GSN: variants seen among roughly 807,000 people sequenced by gnomAD.
The protein encoded by GSN is gelsolin.
A neutral mutation model predicts 85.7 loss-of-function variants in GSN; 56 were observed. The ratio of observed to expected loss-of-function variants is 0.65; its 90% CI spans 0.53 to 0.82. The LOEUF (loss-of-function observed/expected upper bound fraction) is 0.82. Ranked by LOEUF, GSN falls within the 40% of genes least tolerant of loss-of-function variation. The pLI is 0.00. For missense variants in GSN, 857 were observed against 979.8 expected, an observed-to-expected ratio of 0.87 and a Z score of 1.67; for synonymous variants, 373 against 399.1, an observed-to-expected ratio of 0.93 and a Z score of 0.78.
intron 6 of GSN, among the ~76,000 whole-genome samples, chr9:121,251,184 G>GTTTTTTTTTTTTTTTTTTT (rs1339859188): frequency 1.6e-4 from 1 of 6,370 alleles, no homozygotes; most frequent in Admixed American, 1.9e-3. Flanking sequence ...CAGCTGATGT[G>GTTTTTTTTTTTTTTTTTTT]TTCTTTTTTT....
rs747065510 is a variant in GSN at position 121,240,983 on chromosome 9, G to A, written c.-388-7293G>A. ...TGGCTTTTTTAAATATTTGCAGATG[G>A]TATAATTCCATCTTGAAAACAAGGG... On this transcript the variant is annotated intron_variant, in intron 5 of 24. Coordinates refer to the GSN transcript ENST00000373823. 3.3e-5 allele frequency among the ~76,000 whole-genome samples: 5 copies of A among 152,256 alleles called. No individual in the cohort carries two copies. In the East Asian group the frequency reaches 7.7e-4, roughly 23 times the overall value.
chr9:121,239,455 A>C (rs963079001), intron 5 of GSN: 2 of 379,630 alleles, frequency 5.3e-6, no homozygotes, highest in Non-Finnish European at 1.0e-5. Flanking sequence ...TACAATTGGA[A>C]AATTTTCCTC....
chr9:121,244,062 T>C (rs1383492043), intron 5 of GSN, among the ~76,000 whole-genome samples: 2 of 152,224 alleles, frequency 1.3e-5, no homozygotes, highest in Admixed American at 1.3e-4. Flanking sequence ...CCTGTAATAT[T>C]GTCTTTTTGA....
intron 4 of GSN, among the ~76,000 whole-genome samples, chr9:121,307,954 G>A (rs377574852): frequency 7.9e-4 from 120 of 152,326 alleles, no homozygotes; most frequent in South Asian, 4.1e-4. Context: ...TCCAGCCTTC[G>A]GACCCCCTCA....
chr9:121,282,782 C>G (rs1270355935), intron 2 of GSN: 1 of 398,926 alleles, frequency 2.5e-6, no homozygotes, highest in South Asian at 1.4e-4. Flanking sequence ...GCCAAGTTGC[C>G]TCAATGTAAT....
intron 2 of GSN, chr9:121,282,149 T>C: frequency 2.1e-6 from 1 of 469,748 alleles, no homozygotes; most frequent in Non-Finnish European, 4.1e-6. Context: ...GAGTGCAGAG[T>C]CCTGGGCTGG....
chr9:121,268,840 C>A (rs1180348522), intron 1 of GSN, among the ~76,000 whole-genome samples: 2 of 152,196 alleles, frequency 1.3e-5, no homozygotes, highest in South Asian at 4.1e-4. Context: ...TGATTGGAAC[C>A]CCTTCTCCCT....
At chr9:121,302,682 T>C (rs1361408246) in intron 3 of GSN, among the ~76,000 whole-genome samples, 1 of 152,134 alleles carries the variant, frequency 6.6e-6, no homozygotes, top group Non-Finnish European at 1.5e-5. Flanking sequence ...TCAGGAGGGC[T>C]GAGAATGAAC....
At position 121,302,929 on chromosome 9, in the gene GSN, A is replaced by G; in HGVS notation, c.215A>G (p.Asp72Gly). 3 of 1,613,850 alleles carry G rather than the reference A, an allele frequency of 1.9e-6. No individual in the cohort carries two copies. The highest frequency in any genetic ancestry group is 2.5e-6 in the Non-Finnish European group (3 of 1,180,012). Residue 72 changes from aspartate (D) to glycine (G), a missense_variant, in exon 4 of 18, where the codon GAT becomes GGT. Transcript: ENST00000432226. ...HYWLGNECSQ[D>G]ESGAAAIFTV... ...CCCGTAGGCAATGAGTGCAGCCAGGATGAGAGCGGGGCGGCCGCCATCTTT... is the reference window on the plus strand; with the variant it reads ...CCCGTAGGCAATGAGTGCAGCCAGGGTGAGAGCGGGGCGGCCGCCATCTTT...
intron 1 of GSN, among the ~76,000 whole-genome samples, chr9:121,276,350 A>G (rs1272388117): frequency 6.6e-6 from 1 of 152,198 alleles, no homozygotes; most frequent in African/African-American, 2.4e-5. Flanking sequence ...CTCATCTGTA[A>G]AATGGGCTAC....
chr9:121,241,689 A>G (rs2054608619), intron 5 of GSN, among the ~76,000 whole-genome samples: 1 of 152,228 alleles, frequency 6.6e-6, no homozygotes, highest in African/African-American at 2.4e-5. Flanking sequence ...AAATAGGAAA[A>G]ATCACAATGC....
At chr9:121,287,125 G>A (rs1377521491) in intron 2 of GSN, among the ~76,000 whole-genome samples, 1 of 152,116 alleles carries the variant, frequency 6.6e-6, no homozygotes, top group Non-Finnish European at 1.5e-5. Flanking sequence ...GGCCCCCTGG[G>A]CCTATTCTCT....
chr9:121,220,332 A>T (rs747846), intron 4 of GSN, among the ~76,000 whole-genome samples: 1 of 152,096 alleles, frequency 6.6e-6, no homozygotes, highest in Non-Finnish European at 1.5e-5. Context: ...TATTTGGGGA[A>T]CTCCCCTAGC....
upstream of GSN, among the ~76,000 whole-genome samples, chr9:121,203,809 A>T (rs2053841715): frequency 1.3e-5 from 2 of 152,276 alleles, 1 homozygote; most frequent in South Asian, 4.1e-4. Flanking sequence ...TAAATGGGAT[A>T]GTATATGCAA....
chr9:121,205,193 T>A (rs2053863125), upstream of GSN, among the ~76,000 whole-genome samples: 3 of 152,048 alleles, frequency 2.0e-5, no homozygotes, highest in Non-Finnish European at 4.4e-5. Flanking sequence ...TCCAACCCCA[T>A]CCCCACAGAC....
intron 6 of GSN, among the ~76,000 whole-genome samples, chr9:121,259,011 G>C (rs1479406100): frequency 6.6e-6 from 1 of 152,194 alleles, no homozygotes; most frequent in East Asian, 1.9e-4. Flanking sequence ...GCCCATGAGG[G>C]ATTCACTGAT....
chr9:121,318,319 C>A lies in GSN; in HGVS notation c.887-87C>A. 1.8e-6 allele frequency: 2 copies of A among 1,095,154 alleles called. No individual in the cohort carries two copies. Among genetic ancestry groups the A allele is most frequent in the Non-Finnish European group, 2.8e-6 (2 of 707,392 alleles). The allele number at this position is 1,095,154 out of a possible 1,614,324, so 67.8% of individuals were successfully genotyped here. A position where few individuals can be genotyped will look rare whatever the true frequency, so the allele number is the denominator to read the frequency against. On this transcript the variant is annotated intron_variant, in intron 8 of 17. Coordinates refer to ENST00000432226, the MANE Select transcript of GSN (RefSeq NM_198252.3). The surrounding 1 kb of genome is among the most constrained non-coding windows in gnomAD (Gnocchi z 4.3). ...AAGAAGAGTAGGGAGGGAAGTTTGG[C>A]AGCTCCTTCTCCTGGACTGTTAAAG...
chr9:121,204,855 G>A (rs1046523290), upstream of GSN, among the ~76,000 whole-genome samples: 1 of 152,128 alleles, frequency 6.6e-6, no homozygotes, highest in Admixed American at 6.5e-5. Context: ...TACTTGGAGG[G>A]AAAAAAGCAA....
chr9:121,214,770 C>T (rs1286147048), intron 4 of GSN, among the ~76,000 whole-genome samples: 1 of 152,180 alleles, frequency 6.6e-6, no homozygotes, highest in Non-Finnish European at 1.5e-5. Context: ...TATCTTTTCT[C>T]TTCTGGACCT....
Sources: allele counts gnomAD v4.1 joint callset (sites outside exome capture counted in the v4.1 genomes callset), GRCh38; gene constraint gnomAD v4.1.1; non-coding constraint Gnocchi (gnomAD v3.1); transcripts MANE v1.5; gene names NCBI Gene and HGNC (gene_info 2026-07-23, HGNC 2026-07-21).